GRIK3: variants seen among roughly 807,000 people sequenced by gnomAD.
GRIK3 encodes glutamate ionotropic receptor kainate type subunit 3, also known as glutamate receptor ionotropic, kainate 3.
GRIK3 carries 29 observed loss-of-function variants against 102.5 expected under a neutral mutation model. That is an observed-to-expected ratio of 0.28 (90% CI 0.21 to 0.39). The LOEUF (loss-of-function observed/expected upper bound fraction) is 0.39. Ranked by LOEUF, GRIK3 falls within the 10% of genes least tolerant of loss-of-function variation. The pLI, the probability that GRIK3 is intolerant of heterozygous loss-of-function variation, is 1.00. For synonymous variants in GRIK3, 511 were observed against 504.9 expected (o/e 1.01, Z -0.16); for missense variants, 908 against 1,252.4 (o/e 0.73, Z 4.15).
intron 1 of GRIK3, among the ~76,000 whole-genome samples, chr1:37,010,739 T>TC: frequency 6.9e-6 from 1 of 145,144 alleles, no homozygotes; most frequent in East Asian, 2.0e-4. Context: ...TTTTTTTTTT[T>TC]TTTTTTTTTT....
intron 5 of GRIK3, 71 bp downstream of exon 5, chr1:36,869,677 G>A (rs548135637): frequency 2.5e-6 from 3 of 1,206,910 alleles, no homozygotes; most frequent in African/African-American, 3.0e-5. Flanking sequence ...GCTGGCCCAG[G>A]CTAAGCCACA....
intron 1 of GRIK3, among the ~76,000 whole-genome samples, chr1:36,905,104 C>T (rs1641272510): frequency 1.3e-5 from 2 of 151,834 alleles, no homozygotes; most frequent in Admixed American, 1.3e-4. Flanking sequence ...CAGCAATAAA[C>T]AGCAAGGAAT....
chr1:37,000,180 T>G lies in GRIK3; in HGVS notation c.115+33814A>C, dbSNP rs115028316. Among the ~76,000 whole-genome samples, 294 of 152,316 alleles carry G rather than the reference T, an allele frequency of 1.9e-3. 1 individual carries two copies. The highest frequency in any genetic ancestry group is 6.6e-3 in the African/African-American group (276 of 41,554). ...TTCACAGGAAGCACTCAAGAAATAG[T>G]TGTTGAATGGATGACCTTCAGAAGT... On this transcript the variant is annotated intron_variant, in intron 1 of 15. Transcript: ENST00000373091.
chr1:36,999,298 A>G (rs1250873220), intron 1 of GRIK3, among the ~76,000 whole-genome samples: 1 of 152,098 alleles, frequency 6.6e-6, no homozygotes, highest in Non-Finnish European at 1.5e-5. Flanking sequence ...AGGAAGCTGC[A>G]GGGGCAGGTA....
chr1:36,981,405 C>T (rs1642246758), intron 1 of GRIK3, among the ~76,000 whole-genome samples: 1 of 152,172 alleles, frequency 6.6e-6, no homozygotes, highest in African/African-American at 2.4e-5. Flanking sequence ...GTGAGCCAGC[C>T]AGCCAAGGTC....
rs543838194 is a variant in GRIK3 at position 36,816,822 on chromosome 1, A to G, written c.2091+238T>C. ...TGACTTAAGGAATCATAACACATTC[A>G]CATTGCTCATCTCAGGCACAGAAAC... On this transcript the variant is annotated intron_variant, in intron 13 of 15. Transcript: ENST00000373091. Among the ~76,000 whole-genome samples, 6 of 152,192 alleles carry G rather than the reference A, an allele frequency of 3.9e-5. No homozygotes were observed. In the South Asian group the frequency reaches 1.0e-3, roughly 26 times the overall value.
intron 7 of GRIK3, among the ~76,000 whole-genome samples, chr1:36,854,384 C>T (rs146555582): frequency 1.9e-3 from 296 of 152,272 alleles, no homozygotes; most frequent in African/African-American, 6.8e-3. Flanking sequence ...ATACTGAGAA[C>T]GGTCCCGGCA....
At chr1:36,924,503 T>A (rs1257065634) in intron 1 of GRIK3, among the ~76,000 whole-genome samples, 1 of 150,252 alleles carries the variant, frequency 6.7e-6, no homozygotes, top group Admixed American at 6.7e-5. Flanking sequence ...GGAGGGGGAG[T>A]GGGTTGGGTG....
chr1:36,910,574 G>A (rs1005287902), intron 1 of GRIK3, among the ~76,000 whole-genome samples: 1 of 152,210 alleles, frequency 6.6e-6, no homozygotes, highest in Non-Finnish European at 1.5e-5. Flanking sequence ...GTGGTGGGGG[G>A]GCGGGGACAG....
chr1:36,832,690 G>T (rs1439188900), intron 10 of GRIK3, among the ~76,000 whole-genome samples: 1 of 152,238 alleles, frequency 6.6e-6, no homozygotes, highest in Admixed American at 6.5e-5. Flanking sequence ...CTGAGGCCCA[G>T]CAAGCTCCAT....
At chr1:36,825,451 A>G in intron 11 of GRIK3, 152 bp downstream of exon 11, 1 of 516,832 alleles carries the variant, frequency 1.9e-6, no homozygotes, top group South Asian at 3.6e-5. Flanking sequence ...GAGGGATACA[A>G]AGGAATCTGA....
chr1:36,822,371 G>A (rs1359043637), intron 11 of GRIK3, among the ~76,000 whole-genome samples: 2 of 152,232 alleles, frequency 1.3e-5, no homozygotes, highest in Non-Finnish European at 2.9e-5. Flanking sequence ...CTCCCGAGAG[G>A]TGAAAGCATG....
At chr1:37,016,569 C>T (rs556593419) in intron 1 of GRIK3, among the ~76,000 whole-genome samples, 8 of 152,138 alleles carry the variant, frequency 5.3e-5, no homozygotes, top group Admixed American at 4.6e-4. Flanking sequence ...AAAAATTGGC[C>T]CTCCTAGTCT....
At position 36,908,407 on chromosome 1, in the gene GRIK3, C is replaced by T. The variant is rs562957162; in HGVS notation, c.116-17311G>A. Reference sequence around the variant, plus strand: ...CCTCCTGGGTCCTCCTGCTCCCTCTCCCTTCTAGAGAGCCTGTAGCTTTGG... The same window carrying T: ...CCTCCTGGGTCCTCCTGCTCCCTCTTCCTTCTAGAGAGCCTGTAGCTTTGG... On this transcript the variant is annotated intron_variant, in intron 1 of 15. Coordinates refer to ENST00000373091, the MANE Select transcript of GRIK3 (RefSeq NM_000831.4). Among the ~76,000 whole-genome samples, 313 of 152,320 alleles carry T rather than the reference C, an allele frequency of 2.1e-3. 3 individuals carry two copies. The highest frequency in any genetic ancestry group is 3.5e-4 in the Non-Finnish European group (24 of 68,032).
At position 36,973,190 on chromosome 1, in the gene GRIK3, A is replaced by G. The variant is rs1420337732; in HGVS notation, c.115+60804T>C. On this transcript the variant is annotated intron_variant, in intron 1 of 15. Transcript: ENST00000373091. ...CTTAGGATAGCATACAGAGGCCACC[A>G]GGGCCCTGCAAAGCCTGTTCCCTGC... is the stretch of plus-strand genomic sequence containing the variant. Among the ~76,000 whole-genome samples, 12 of 152,252 alleles carry G rather than the reference A, an allele frequency of 7.9e-5. No homozygotes were observed. In the East Asian group the frequency reaches 2.3e-3, roughly 29 times the overall value.
intron 13 of GRIK3, among the ~76,000 whole-genome samples, chr1:36,816,732 G>A (rs540148889): frequency 2.0e-5 from 3 of 152,324 alleles, no homozygotes; most frequent in Non-Finnish European, 2.9e-5. Flanking sequence ...GGGCCTGTGT[G>A]TCTGGGTGGC....
intron 1 of GRIK3, among the ~76,000 whole-genome samples, chr1:36,911,560 C>T (rs750790371): frequency 6.6e-6 from 1 of 152,042 alleles, no homozygotes; most frequent in Non-Finnish European, 1.5e-5. Context: ...TGTGCACTTC[C>T]CTGGGGTCCC....
At chr1:36,834,499 G>T (rs540471336) in intron 10 of GRIK3, among the ~76,000 whole-genome samples, 1 of 152,048 alleles carries the variant, frequency 6.6e-6, no homozygotes. Context: ...TAGAAAATTC[G>T]TAAGTATCAA....
At chr1:36,846,170 C>G (rs1050814487) in intron 9 of GRIK3, among the ~76,000 whole-genome samples, 1 of 152,078 alleles carries the variant, frequency 6.6e-6, no homozygotes. Flanking sequence ...AGAGCGGAAC[C>G]AGAACAGAGG....
Sources: gnomAD v4.1 joint callset for allele counts (sites outside exome capture counted in the v4.1 genomes callset) on GRCh38, gnomAD v4.1.1 for gene constraint, MANE v1.5 for transcripts, NCBI Gene and HGNC (gene_info 2026-07-23, HGNC 2026-07-21) for gene names.